Variants in SNTB1 observed in about 807,000 individuals in gnomAD.
The protein encoded by SNTB1 is beta-1-syntrophin.
Under a neutral mutation model 48.9 loss-of-function variants are expected in SNTB1, and 36 were observed. The observed-to-expected ratio is 0.74, with a 90% CI of 0.56 to 0.97. The LOEUF (loss-of-function observed/expected upper bound fraction) is 0.97. SNTB1 is among the 50% of genes least tolerant of loss of function. SNTB1 has a pLI of 0.00. For synonymous variants in SNTB1, 299 were observed against 294.6 expected (o/e 1.01, Z -0.15); for missense variants, 786 against 703.4 (o/e 1.12, Z -1.33).
chr8:120,668,042 G>A (rs993516286), intron 2 of SNTB1, among the ~76,000 whole-genome samples: 2 of 151,878 alleles, frequency 1.3e-5, no homozygotes, highest in African/African-American at 4.8e-5. Context: ...TACACTGATC[G>A]GTTCTCAGCT....
At chr8:120,709,108 GAGAA>G (rs1361911784) in intron 1 of SNTB1, among the ~76,000 whole-genome samples, 1 of 152,050 alleles carries the variant, frequency 6.6e-6, no homozygotes, top group Non-Finnish European at 1.5e-5. Flanking sequence ...AGGAGGGAGG[GAGAA>G]AGAGAGGGAG....
At chr8:120,601,791 C>T (rs1024307382) in intron 3 of SNTB1, among the ~76,000 whole-genome samples, 8 of 152,208 alleles carry the variant, frequency 5.3e-5, no homozygotes, top group African/African-American at 1.7e-4. Flanking sequence ...TTGGCTTAAT[C>T]ATCCCATTGT....
In SNTB1 at chr8:120,624,311, C is replaced by A. The variant is rs527969218; in HGVS notation, c.996+8133G>T. On this transcript the variant is annotated intron_variant, in intron 3 of 6. Coordinates refer to ENST00000517992, the MANE Select transcript of SNTB1 (RefSeq NM_021021.4). The stretch of plus-strand genomic sequence containing the variant: ...GGCTGGGAAGTCCAAGGATGAGGGG[C>A]CTGCACCTGGTGAGGACCTTCTTGC... Among the ~76,000 whole-genome samples, 13 of 152,218 alleles carry A rather than the reference C, an allele frequency of 8.5e-5. No homozygotes were observed. In the South Asian group the frequency reaches 2.3e-3, roughly 27 times the overall value.
chr8:120,808,262 C>T (rs1368745621), intron 1 of SNTB1, among the ~76,000 whole-genome samples: 3 of 152,158 alleles, frequency 2.0e-5, no homozygotes, highest in South Asian at 2.1e-4. Context: ...TTAATTTCCT[C>T]ATCAGGAAAA....
intron 3 of SNTB1, among the ~76,000 whole-genome samples, chr8:120,604,535 C>T (rs1016237594): frequency 1.3e-5 from 2 of 151,402 alleles, no homozygotes; most frequent in Admixed American, 1.3e-4. Flanking sequence ...CTCACTGCAA[C>T]CTCTGCCTCC....
chr8:120,541,426 C>T (rs1057022067), intron 6 of SNTB1, among the ~76,000 whole-genome samples: 86 of 152,254 alleles, frequency 5.6e-4, no homozygotes, highest in African/African-American at 1.8e-3. Flanking sequence ...ACTTCCCTGA[C>T]GGTAGGGACC....
chr8:120,718,540 A>G (rs925466780), intron 1 of SNTB1, among the ~76,000 whole-genome samples: 1 of 152,238 alleles, frequency 6.6e-6, no homozygotes. Context: ...TAATGTTAAC[A>G]TATTTAGACC....
chr8:120,570,161 C>A (rs1170456748), intron 4 of SNTB1: 2 of 152,152 alleles, frequency 1.3e-5, no homozygotes, highest in Admixed American at 6.5e-5. Context: ...TGAGAAAAAA[C>A]CAAAAGAGGG....
intron 1 of SNTB1, among the ~76,000 whole-genome samples, chr8:120,798,242 C>A (rs1306669222): frequency 6.6e-6 from 1 of 151,840 alleles, no homozygotes; most frequent in East Asian, 1.9e-4. Flanking sequence ...AAATCAGGAC[C>A]TCTTGGGGAA....
At chr8:120,608,844 G>C (rs1002960053) in intron 3 of SNTB1, among the ~76,000 whole-genome samples, 3 of 152,218 alleles carry the variant, frequency 2.0e-5, no homozygotes, top group Non-Finnish European at 4.4e-5. Flanking sequence ...CAAGGAAGTA[G>C]TGGGACATAG....
intron 1 of SNTB1, among the ~76,000 whole-genome samples, chr8:120,723,445 T>G (rs1043050682): frequency 6.6e-6 from 1 of 152,222 alleles, no homozygotes; most frequent in African/African-American, 2.4e-5. Context: ...AAACGTGGCA[T>G]TTCTTCAGTG....
rs1818167361 is a variant in SNTB1, at chr8:120,693,847, C to T, written c.633G>A (p.Gly211=). ...VKKGSPVSEI[G]WETPPPESPR... is the part of the protein sequence containing the mutation. ...GGGATTCAGGCGGAGGTGTTTCCCA[C>T]CCAATCTCGGATACTGGGGATCCTT... Residue 211 remains glycine (G), a synonymous_variant, in exon 2 of 7, where the codon GGG becomes GGA. Transcript: ENST00000517992. 1 of 1,614,110 alleles carries T rather than the reference C, an allele frequency of 6.2e-7. No individual in the cohort carries two copies. The highest frequency in any genetic ancestry group is 1.7e-5 in the Admixed American group (1 of 60,008).
At chr8:120,545,551 A>G (rs1815367411) in intron 5 of SNTB1, among the ~76,000 whole-genome samples, 1 of 74,724 alleles carries the variant, frequency 1.3e-5, no homozygotes, top group South Asian at 4.0e-4. Flanking sequence ...AAAATGAAAC[A>G]AAATAAAATT....
intron 1 of SNTB1, among the ~76,000 whole-genome samples, chr8:120,758,964 T>C (rs1354023321): frequency 2.0e-5 from 3 of 152,126 alleles, no homozygotes; most frequent in Admixed American, 6.6e-5. Context: ...AGAGACGGTG[T>C]CTTGCCATGT....
chr8:120,713,889 T>A (rs1818509917), intron 1 of SNTB1, among the ~76,000 whole-genome samples: 1 of 152,130 alleles, frequency 6.6e-6, no homozygotes, highest in Non-Finnish European at 1.5e-5. Context: ...AAAGAGATAA[T>A]GTACATTATT....
chr8:120,653,549 T>C (rs1299251680), intron 2 of SNTB1, among the ~76,000 whole-genome samples: 1 of 152,212 alleles, frequency 6.6e-6, no homozygotes, highest in African/African-American at 2.4e-5. Context: ...GCCACCCAGT[T>C]TGTGGTACTT....
At chr8:120,613,468 A>C (rs1480308834) in intron 3 of SNTB1, among the ~76,000 whole-genome samples, 1 of 152,106 alleles carries the variant, frequency 6.6e-6, no homozygotes, top group Non-Finnish European at 1.5e-5. Flanking sequence ...AGGTATGAAG[A>C]GTGGTTTGTT....
intron 1 of SNTB1, among the ~76,000 whole-genome samples, chr8:120,802,455 G>T (rs1225821576): frequency 6.6e-6 from 1 of 152,072 alleles, no homozygotes; most frequent in Non-Finnish European, 1.5e-5. Context: ...ACCCACAGCA[G>T]CCTACACTGT....
intron 1 of SNTB1, among the ~76,000 whole-genome samples, chr8:120,738,968 C>T (rs1818998052): frequency 1.3e-5 from 2 of 152,178 alleles, no homozygotes; most frequent in Admixed American, 6.6e-5. Flanking sequence ...TAAACTAAAA[C>T]TGCAAAGCAA....
Sources: gnomAD v4.1 joint callset for allele counts (sites outside exome capture counted in the v4.1 genomes callset) on GRCh38, gnomAD v4.1.1 for gene constraint, MANE v1.5 for transcripts, NCBI Gene and HGNC (gene_info 2026-07-23, HGNC 2026-07-21) for gene names.